The following ARSJ variants were observed in gnomAD, a reference collection of about 807,000 sequenced individuals.
ARSJ encodes arylsulfatase J.
ARSJ carries 26 observed loss-of-function variants against 35.9 expected under a neutral mutation model. The ratio of observed to expected loss-of-function variants is 0.72; its 90% confidence interval spans 0.53 to 1.00. The LOEUF (loss-of-function observed/expected upper bound fraction) is 1.00, where lower values mean the gene tolerates loss of function less well. Ranked by LOEUF, ARSJ falls within the 50% of genes least tolerant of loss-of-function variation. The probability of loss-of-function intolerance (pLI) is 0.00; values close to 1 mark genes in which losing one functional copy is unlikely to be tolerated. For missense variants in ARSJ, 667 were observed against 723.6 expected, an observed-to-expected ratio of 0.92 and a Z score of 0.90; for synonymous variants, 294 against 267.6, an observed-to-expected ratio of 1.10 and a Z score of -0.96.
chr4:113,949,824 C>A (rs17620935), intron 1 of ARSJ, among the ~76,000 whole-genome samples: 51,360 of 151,918 alleles, frequency 0.34, 9,217 homozygotes, highest in East Asian at 0.52. Flanking sequence ...TGCACTTTTG[C>A]GATCTGTACT....
chr4:113,938,315 T>C (rs533364074), intron 1 of ARSJ, among the ~76,000 whole-genome samples: 1 of 152,208 alleles, frequency 6.6e-6, no homozygotes, highest in East Asian at 1.9e-4. Flanking sequence ...TAAATGGTGC[T>C]GGGAGAACTG....
intron 1 of ARSJ, among the ~76,000 whole-genome samples, chr4:113,936,060 T>C (rs1724748018): frequency 6.6e-6 from 1 of 152,002 alleles, no homozygotes; most frequent in Non-Finnish European, 1.5e-5. Context: ...CTATTGTTAC[T>C]TGCCCCTCAT....
At chr4:113,903,721 A>T (rs746355824) in intron 1 of ARSJ, 46 bp from the exon 2 acceptor site, 1 of 1,520,544 alleles carries the variant, frequency 6.6e-7, no homozygotes, top group African/African-American at 1.4e-5. Context: ...GATAAAAGAG[A>T]TATTCTACAT....
At chr4:113,964,782 C>T (rs752925698) in intron 1 of ARSJ, among the ~76,000 whole-genome samples, 10 of 152,054 alleles carry the variant, frequency 6.6e-5, no homozygotes, top group South Asian at 2.1e-4. Context: ...TTATTGGAAA[C>T]GCAGAACCAA....
chr4:113,972,313 AAAAAAC>A (rs1439921715), intron 1 of ARSJ, among the ~76,000 whole-genome samples: 6 of 149,986 alleles, frequency 4.0e-5, no homozygotes, highest in Non-Finnish European at 8.9e-5. Flanking sequence ...AAAACAAAAA[AAAAAAC>A]CCCACCATGA....
intron 1 of ARSJ, among the ~76,000 whole-genome samples, chr4:113,920,966 A>T (rs190519970): frequency 6.6e-6 from 1 of 152,208 alleles, no homozygotes; most frequent in African/African-American, 2.4e-5. Context: ...CTGGAACATT[A>T]AAGCTGGGCT....
chr4:113,902,774 A>T lies in ARSJ; in HGVS notation c.1300T>A (p.Trp434Arg). 2 of 1,614,182 alleles carry T rather than the reference A, an allele frequency of 1.2e-6. No individual in the cohort carries two copies. Among genetic ancestry groups the T allele is most frequent in the Non-Finnish European group, 1.7e-6 (2 of 1,180,022 alleles). ...PIYTKAKNGSWAAGYGIWNTA... is the reference protein window; with the variant it reads ...PIYTKAKNGSRAAGYGIWNTA... ...TTCCAGATCCCATAGCCTGCTGCCC[A>T]GGAGCCATTTTTTGCCTTGGTGTAT... is the stretch of plus-strand genomic sequence containing the variant. Residue 434 changes from tryptophan (W) to arginine (R), a missense_variant, in exon 2 of 2, where the codon TGG (tryptophan) becomes AGG (arginine). By Grantham distance (101) the Trp-to-Arg change is moderately radical. Coordinates refer to ENST00000315366, the MANE Select transcript of ARSJ (RefSeq NM_024590.4).
intron 1 of ARSJ, among the ~76,000 whole-genome samples, chr4:113,966,848 G>A (rs531524416): frequency 1.3e-5 from 2 of 152,218 alleles, no homozygotes; most frequent in East Asian, 1.9e-4. Context: ...CTTTGTGCAC[G>A]GAACAATTCA....
chr4:113,972,310 A>AC (rs1399755727), intron 1 of ARSJ, among the ~76,000 whole-genome samples: 3 of 149,906 alleles, frequency 2.0e-5, no homozygotes, highest in African/African-American at 7.3e-5. Context: ...AAAAAAACAA[A>AC]AAAAAAAACC....
chr4:113,903,826 C>T (rs2099667894), intron 1 of ARSJ, 151 bp from the exon 2 acceptor site: 2 of 1,116,012 alleles, frequency 1.8e-6, no homozygotes, highest in Admixed American at 2.9e-5. Context: ...AGCATTTCTG[C>T]TCTTTACTCA....
chr4:113,946,882 T>C (rs1308859917), intron 1 of ARSJ, among the ~76,000 whole-genome samples: 1 of 152,132 alleles, frequency 6.6e-6, no homozygotes, highest in South Asian at 2.1e-4. Flanking sequence ...AAAATTTGTT[T>C]ACTTTATCAA....
intron 1 of ARSJ, chr4:113,946,085 C>G (rs976179461): frequency 2.0e-5 from 3 of 151,792 alleles, no homozygotes; most frequent in Admixed American, 2.0e-4. Flanking sequence ...GGATGTGAGT[C>G]ACTTCTGTAA....
chr4:113,952,364 C>T (rs1725915013), intron 1 of ARSJ, among the ~76,000 whole-genome samples: 1 of 152,054 alleles, frequency 6.6e-6, no homozygotes, highest in Non-Finnish European at 1.5e-5. Context: ...CACAGTCAAC[C>T]TATTAATTAG....
intron 1 of ARSJ, among the ~76,000 whole-genome samples, chr4:113,935,573 T>C (rs1416966544): frequency 1.3e-5 from 2 of 151,934 alleles, no homozygotes; most frequent in Non-Finnish European, 2.9e-5. Context: ...TAAAGAGTAG[T>C]ATCTGAGTCT....
intron 1 of ARSJ, among the ~76,000 whole-genome samples, chr4:113,940,341 G>T (rs190654069): frequency 6.6e-6 from 1 of 152,086 alleles, no homozygotes; most frequent in African/African-American, 2.4e-5. Flanking sequence ...CCTTTGCAGG[G>T]ACATGGATGG....
chr4:113,904,551 C>T (rs2099668148), intron 1 of ARSJ, among the ~76,000 whole-genome samples: 1 of 152,206 alleles, frequency 6.6e-6, no homozygotes. Flanking sequence ...GTGGTGTGAT[C>T]TAGGCTCACT....
intron 1 of ARSJ, among the ~76,000 whole-genome samples, chr4:113,919,603 A>G (rs1407596632): frequency 6.6e-6 from 1 of 152,188 alleles, no homozygotes; most frequent in East Asian, 1.9e-4. Flanking sequence ...TATCCTTTCT[A>G]AACCTAGATT....
intron 1 of ARSJ, among the ~76,000 whole-genome samples, chr4:113,932,585 T>C (rs539408757): frequency 7.2e-5 from 11 of 151,976 alleles, no homozygotes; most frequent in Non-Finnish European, 1.5e-4. Flanking sequence ...ACATGGAAAT[T>C]AGACAACATG....
chr4:113,914,095 T>G (rs1723122230), intron 1 of ARSJ, among the ~76,000 whole-genome samples: 2 of 152,224 alleles, frequency 1.3e-5, no homozygotes, highest in South Asian at 4.1e-4. Context: ...TGCCTCAGCC[T>G]CCCGAGTAGC....
Sources: allele counts gnomAD v4.1 joint callset (sites outside exome capture counted in the v4.1 genomes callset), GRCh38; gene constraint gnomAD v4.1.1; transcripts MANE v1.5; gene names NCBI Gene and HGNC (gene_info 2026-07-23, HGNC 2026-07-21).